Variants in RUNX1 observed in about 807,000 individuals in gnomAD.
The protein encoded by RUNX1 is runt-related transcription factor 1.
A neutral mutation model predicts 42.8 loss-of-function variants in RUNX1; 19 were observed. That is an observed-to-expected ratio of 0.44 (90% CI 0.31 to 0.65). The LOEUF is 0.65. Among genes scored for constraint, RUNX1 ranks in the 30% least tolerant of loss-of-function variants. The pLI is 0.07. For missense variants in RUNX1, 528 were observed against 672.0 expected (o/e 0.79, Z 2.37); for synonymous variants, 271 against 289.4 (o/e 0.94, Z 0.64).
At chr21:35,000,873 C>T (rs1050095816) in intron 2 of RUNX1, among the ~76,000 whole-genome samples, 2 of 152,200 alleles carry the variant, frequency 1.3e-5, no homozygotes, top group South Asian at 2.1e-4. Context: ...ACTAGTTTGT[C>T]CCTGAGCCAC....
Position 34,845,415 on chromosome 21 carries a change from G to A in RUNX1, c.614-10814C>T, listed in dbSNP as rs551567180. ...CCTCAATCCTTTCCCGATTCGAAAG[G>A]TACACAACTTCCCCCTGGCCTGTCT... On this transcript the variant is annotated intron_variant, in intron 6 of 8. Transcript: ENST00000675419. Among the ~76,000 whole-genome samples the A allele has an allele frequency of 3.9e-5, 6 of 152,306 alleles. No individual in the cohort carries two copies. In the South Asian group the frequency reaches 1.2e-3, roughly 32 times the overall value.
At chr21:34,989,011 TCTC>T (rs2058914306) in intron 2 of RUNX1, among the ~76,000 whole-genome samples, 1 of 143,898 alleles carries the variant, frequency 6.9e-6, no homozygotes, top group African/African-American at 2.9e-5. Flanking sequence ...TCTCTCTCTC[TCTC>T]TTTTTTTTTT....
At chr21:34,987,233 T>A (rs767777997) in intron 2 of RUNX1, among the ~76,000 whole-genome samples, 15 of 152,182 alleles carry the variant, frequency 9.9e-5, no homozygotes, top group Non-Finnish European at 2.1e-4. Flanking sequence ...GCTGAAAGAT[T>A]CAATTAAATC....
At chr21:34,996,042 C>T (rs1385580006) in intron 2 of RUNX1, among the ~76,000 whole-genome samples, 1 of 152,176 alleles carries the variant, frequency 6.6e-6, no homozygotes, top group Non-Finnish European at 1.5e-5. Context: ...TGAATATTTT[C>T]TAATACCTGA....
At chr21:34,936,098 G>GC (rs2058482756) in intron 2 of RUNX1, among the ~76,000 whole-genome samples, 1 of 148,232 alleles carries the variant, frequency 6.7e-6, no homozygotes, top group Non-Finnish European at 1.5e-5. Flanking sequence ...CTTCCCAGAA[G>GC]CCCCCCTTTG....
At chr21:34,967,274 C>CGCATCATT (rs1272768334) in intron 2 of RUNX1, among the ~76,000 whole-genome samples, 1 of 119,548 alleles carries the variant, frequency 8.4e-6, no homozygotes, top group African/African-American at 3.3e-5. Context: ...GAGCCAAAAT[C>CGCATCATT]GCATCATTGC....
At chr21:34,972,885 A>T (rs375623048) in intron 2 of RUNX1, among the ~76,000 whole-genome samples, 2 of 152,196 alleles carry the variant, frequency 1.3e-5, no homozygotes, top group African/African-American at 2.4e-5. Context: ...TTCTCCCTCA[A>T]CATCTTGCTC....
chr21:34,929,644 A>T (rs1312371010), intron 2 of RUNX1, among the ~76,000 whole-genome samples: 2 of 152,206 alleles, frequency 1.3e-5, no homozygotes, highest in African/African-American at 2.4e-5. Context: ...GAAAATTTTT[A>T]AAATACTCAA....
chr21:34,790,740 C>T lies in RUNX1; in HGVS notation c.*1395G>A. 1 of 233,258 alleles carries T rather than the reference C, an allele frequency of 4.3e-6. No individual in the cohort carries two copies. The highest frequency in any genetic ancestry group is 8.5e-6 in the Non-Finnish European group (1 of 118,056). The allele number at this position is 233,258 out of a possible 1,614,324, so 14.4% of individuals were successfully genotyped here. A position where few individuals can be genotyped will look rare whatever the true frequency, so the allele number is the denominator to read the frequency against. On this transcript the variant is annotated 3_prime_UTR_variant, in exon 9 of 9. Coordinates refer to ENST00000675419, the MANE Select transcript of RUNX1 (RefSeq NM_001754.5). Reference sequence around the variant, plus strand: ...GGTGGGACCATGTTTTCCCACTTGTCTCCACTGAGGCACACAGAGGCAAAT... The same window carrying T: ...GGTGGGACCATGTTTTCCCACTTGTTTCCACTGAGGCACACAGAGGCAAAT...
Position 34,910,791 on chromosome 21 carries a change from T to C in RUNX1, c.59-17828A>G, listed in dbSNP as rs976671539. 2.6e-5 allele frequency among the ~76,000 whole-genome samples: 4 copies of C among 151,946 alleles called. No individual in the cohort carries two copies. The South Asian group carries it at 8.3e-4, about 32-fold the overall frequency. The stretch of plus-strand genomic sequence containing the variant: ...TTGTCGTTATGTTATTGTTGTTCTT[T>C]TTTTTTTTGAAACAAGGTCTCACTC... On this transcript the variant is annotated intron_variant, in intron 2 of 8. Coordinates refer to ENST00000675419, the MANE Select transcript of RUNX1 (RefSeq NM_001754.5).
chr21:34,894,215 C>G (rs955949573), intron 2 of RUNX1, among the ~76,000 whole-genome samples: 1 of 152,066 alleles, frequency 6.6e-6, no homozygotes, highest in Non-Finnish European at 1.5e-5. Flanking sequence ...GCACACCCAG[C>G]GGAACCACGC....
intron 2 of RUNX1, among the ~76,000 whole-genome samples, chr21:34,962,461 T>A (rs936316126): frequency 6.6e-6 from 1 of 152,202 alleles, no homozygotes. Context: ...AAAGATAATA[T>A]CACCAAACAG....
At chr21:35,017,285 A>T (rs1352877796) in intron 2 of RUNX1, among the ~76,000 whole-genome samples, 1 of 152,166 alleles carries the variant, frequency 6.6e-6, no homozygotes, top group Non-Finnish European at 1.5e-5. Flanking sequence ...CGTGCTTTTT[A>T]TATTTAAATA....
At chr21:34,900,264 C>A (rs138331709) in intron 2 of RUNX1, among the ~76,000 whole-genome samples, 6 of 152,088 alleles carry the variant, frequency 3.9e-5, no homozygotes, top group African/African-American at 1.4e-4. Context: ...ACATTTATAG[C>A]GCATCTCAAT....
At position 34,843,373 on chromosome 21, in the gene RUNX1, T is replaced by C. The variant is rs2057270479; in HGVS notation, c.614-8772A>G. On this transcript the variant is annotated intron_variant, in intron 6 of 8. Coordinates refer to ENST00000675419, the MANE Select transcript of RUNX1 (RefSeq NM_001754.5). This position sits in a 1 kb window ranked among gnomAD's most constrained non-coding sequence, Gnocchi z 4.8. Reference sequence around the variant, plus strand: ...ATATATACAGACGCACACACACATATACATATATCACACAGGGACACACAT... The same window carrying C: ...ATATATACAGACGCACACACACATACACATATATCACACAGGGACACACAT... 6.6e-6 allele frequency among the ~76,000 whole-genome samples: 1 copy of C among 151,644 alleles called. No individual in the cohort carries two copies.
chr21:34,926,002 C>T (rs1008383107), intron 2 of RUNX1, among the ~76,000 whole-genome samples: 12 of 151,948 alleles, frequency 7.9e-5, no homozygotes, highest in African/African-American at 2.9e-4. Flanking sequence ...TTATCACAGT[C>T]ATTCAAAGCA....
chr21:34,918,482 A>C (rs2058329124), intron 2 of RUNX1, among the ~76,000 whole-genome samples: 1 of 152,222 alleles, frequency 6.6e-6, no homozygotes, highest in Non-Finnish European at 1.5e-5. Flanking sequence ...TTTAGTTTTA[A>C]AATTTGCTTA....
At chr21:34,903,949 A>G (rs978244462) in intron 2 of RUNX1, among the ~76,000 whole-genome samples, 1 of 152,226 alleles carries the variant, frequency 6.6e-6, no homozygotes, top group Non-Finnish European at 1.5e-5. Flanking sequence ...TCTAAATTTC[A>G]TGAAACTGCT....
rs533177203 is a variant in RUNX1, at chr21:34,834,957, G to A, written c.614-356C>T. Among the ~76,000 whole-genome samples the A allele has an allele frequency of 2.9e-3, 447 of 152,262 alleles. 2 individuals carry two copies. The highest frequency in any genetic ancestry group is 0.01 in the African/African-American group (433 of 41,568). On this transcript the variant is annotated intron_variant, in intron 6 of 8. Transcript: ENST00000675419. Reference sequence around the variant, plus strand: ...AGAGGCGCATTAATTGTTGGCACATGGCCACATGCCAGGGGCTATGCTGTG... The same window carrying A: ...AGAGGCGCATTAATTGTTGGCACATAGCCACATGCCAGGGGCTATGCTGTG...
Sources: allele counts gnomAD v4.1 joint callset (sites outside exome capture counted in the v4.1 genomes callset), GRCh38; gene constraint gnomAD v4.1.1; non-coding constraint Gnocchi (gnomAD v3.1); transcripts MANE v1.5; gene names NCBI Gene and HGNC (gene_info 2026-07-23, HGNC 2026-07-21).